Variants in OSBPL10 observed in about 807,000 individuals in gnomAD.
OSBPL10 encodes the protein oxysterol binding protein like 10, also known as oxysterol-binding protein-related protein 10.
In OSBPL10, 49 loss-of-function variants were observed where a neutral mutation model predicts 81.7. The observed-to-expected ratio is 0.60, with a 90% CI of 0.48 to 0.76. The LOEUF (loss-of-function observed/expected upper bound fraction) is 0.76. Ranked by LOEUF, OSBPL10 falls within the 30% of genes least tolerant of loss-of-function variation. The pLI is 0.00. For missense variants in OSBPL10, 923 were observed against 987.8 expected (o/e 0.93, Z 0.88); for synonymous variants, 419 against 383.6 (o/e 1.09, Z -1.08).
chr3:31,762,341 GA>G (rs1294787249), intron 4 of OSBPL10, among the ~76,000 whole-genome samples: 1 of 152,180 alleles, frequency 6.6e-6, no homozygotes, highest in Non-Finnish European at 1.5e-5. Flanking sequence ...ACAAATGATA[GA>G]AACAGGGCCA....
chr3:31,722,488 G>A (rs1696676781), intron 6 of OSBPL10, among the ~76,000 whole-genome samples: 1 of 152,004 alleles, frequency 6.6e-6, no homozygotes, highest in Non-Finnish European at 1.5e-5. Context: ...CTAAATAAAG[G>A]TTTTAGCACT....
At chr3:31,953,059 G>T (rs1401960990) in intron 1 of OSBPL10, among the ~76,000 whole-genome samples, 1 of 151,128 alleles carries the variant, frequency 6.6e-6, no homozygotes, top group South Asian at 2.1e-4. Flanking sequence ...AGCCTCCTGA[G>T]TAGCTGGGAT....
chr3:31,913,238 TTA>T (rs201969198), intron 1 of OSBPL10, among the ~76,000 whole-genome samples: 6 of 144,850 alleles, frequency 4.1e-5, no homozygotes, highest in Admixed American at 1.4e-4. Flanking sequence ...GTTTTTTTTT[TTA>T]TTTTGTTTTT....
intron 7 of OSBPL10, among the ~76,000 whole-genome samples, chr3:31,697,548 C>A (rs1695763005): frequency 6.6e-6 from 1 of 152,028 alleles, no homozygotes; most frequent in Admixed American, 6.6e-5. Context: ...TTTAAAAACA[C>A]AATAAAACAA....
At chr3:31,798,553 TAAATA>T (rs1213315225) in intron 4 of OSBPL10, among the ~76,000 whole-genome samples, 8 of 152,126 alleles carry the variant, frequency 5.3e-5, no homozygotes, top group Admixed American at 1.3e-4. Context: ...GGATATGAGT[TAAATA>T]AAATATATTA....
chr3:31,780,008 A>G (rs1220751918), intron 4 of OSBPL10, among the ~76,000 whole-genome samples: 9 of 152,206 alleles, frequency 5.9e-5, no homozygotes, highest in Non-Finnish European at 1.0e-4. Context: ...CTGAACAATA[A>G]TAGGCCAGGT....
chr3:31,795,961 T>C (rs2125437677), intron 4 of OSBPL10: 1 of 230,050 alleles, frequency 4.3e-6, no homozygotes, highest in South Asian at 8.1e-5. Flanking sequence ...TGGGAAATCA[T>C]TTTCTTACAG....
chr3:31,878,168 A>ATT (rs1701526562), intron 2 of OSBPL10, among the ~76,000 whole-genome samples: 2 of 152,224 alleles, frequency 1.3e-5, no homozygotes, highest in South Asian at 4.1e-4. Flanking sequence ...CCCTCTAAAA[A>ATT]AAACCTAGGG....
intron 6 of OSBPL10, among the ~76,000 whole-genome samples, chr3:31,715,582 A>G (rs1413529020): frequency 6.6e-6 from 1 of 152,246 alleles, no homozygotes; most frequent in Non-Finnish European, 1.5e-5. Context: ...AAAATTCCTG[A>G]TGAAACACCA....
At chr3:31,959,745 T>C (rs1461162822) in intron 1 of OSBPL10, among the ~76,000 whole-genome samples, 2 of 152,202 alleles carry the variant, frequency 1.3e-5, no homozygotes, top group East Asian at 1.9e-4. Context: ...TGTGTAACTT[T>C]GAATTAAATG....
chr3:31,835,435 T>G (rs1700339754), intron 3 of OSBPL10, among the ~76,000 whole-genome samples: 1 of 152,138 alleles, frequency 6.6e-6, no homozygotes, highest in Admixed American at 6.5e-5. Flanking sequence ...TGAGCTAGAA[T>G]TAAAAGGAGG....
rs137917120 is a variant in OSBPL10 at position 31,883,402 on chromosome 3, A to C, written c.282-3572T>G. Among the ~76,000 whole-genome samples, 817 of 151,656 alleles carry C rather than the reference A, an allele frequency of 5.4e-3. 39 individuals carry two copies. In the East Asian group the frequency reaches 0.11, roughly 21 times the overall value. On this transcript the variant is annotated intron_variant, in intron 1 of 11. Transcript: ENST00000396556. The stretch of plus-strand genomic sequence containing the variant: ...ATTACAGACACCACCACGCCCAGCT[A>C]ATTTTTTTTGTATTTTTAGTAGAGA...
chr3:31,998,379 G>C (rs1382540089), intron 2 of OSBPL10, among the ~76,000 whole-genome samples: 2 of 152,132 alleles, frequency 1.3e-5, no homozygotes, highest in African/African-American at 4.8e-5. Flanking sequence ...CCATGTGAGT[G>C]CTGAGTCTGT....
chr3:32,033,008 G>T (rs1482342642), intron 2 of OSBPL10, among the ~76,000 whole-genome samples: 1 of 152,154 alleles, frequency 6.6e-6, no homozygotes, highest in Non-Finnish European at 1.5e-5. Flanking sequence ...GTTTTCAGTA[G>T]TCATATTTAG....
chr3:31,942,585 T>A (rs1031146731), intron 1 of OSBPL10, among the ~76,000 whole-genome samples: 24 of 151,944 alleles, frequency 1.6e-4, no homozygotes, highest in African/African-American at 5.3e-4. Flanking sequence ...ACATTTTTTT[T>A]AAATCCTCCC....
intron 7 of OSBPL10, among the ~76,000 whole-genome samples, chr3:31,698,575 C>T (rs1425372372): frequency 6.6e-6 from 1 of 152,174 alleles, no homozygotes; most frequent in East Asian, 1.9e-4. Flanking sequence ...TCCTAAACGG[C>T]CCTATAACCT....
At chr3:32,008,177 A>ATTTTTTTTTTTTTTT (rs58417694) in intron 2 of OSBPL10, among the ~76,000 whole-genome samples, 1 of 142,420 alleles carries the variant, frequency 7.0e-6, no homozygotes, top group African/African-American at 2.6e-5. Context: ...TGTTTTTATC[A>ATTTTTTTTTTTTTTT]TTTTTTTTTT....
At chr3:31,765,176 C>A (rs1247358386) in intron 4 of OSBPL10, among the ~76,000 whole-genome samples, 2 of 152,038 alleles carry the variant, frequency 1.3e-5, no homozygotes, top group African/African-American at 4.8e-5. Context: ...TGCCACCATG[C>A]CCAACTAATT....
At chr3:31,813,659 G>C (rs113409396) in intron 4 of OSBPL10, among the ~76,000 whole-genome samples, 1,619 of 152,262 alleles carry the variant, frequency 0.011, 35 homozygotes, top group African/African-American at 0.037. Flanking sequence ...GGGAGGGGAC[G>C]AGGTGCATGT....
Sources: allele counts gnomAD v4.1 joint callset (sites outside exome capture counted in the v4.1 genomes callset), GRCh38; gene constraint gnomAD v4.1.1; transcripts MANE v1.5; gene names NCBI Gene and HGNC (gene_info 2026-07-23, HGNC 2026-07-21).